Variants in NFATC2 observed in about 807,000 individuals in gnomAD.
NFATC2 encodes nuclear factor of activated T cells 2, also known as nuclear factor of activated T-cells, cytoplasmic 2.
NFATC2 carries 22 observed loss-of-function variants against 87.3 expected under a neutral mutation model. The ratio of observed to expected loss-of-function variants is 0.25; its 90% confidence interval spans 0.18 to 0.36. NFATC2 has a LOEUF of 0.36. Among genes scored for constraint, NFATC2 ranks in the 10% least tolerant of loss-of-function variants. NFATC2 has a pLI of 1.00. For missense variants in NFATC2, 1,149 were observed against 1,259.1 expected (o/e 0.91, Z 1.32); for synonymous variants, 565 against 542.2 (o/e 1.04, Z -0.58).
intron 1 of NFATC2, among the ~76,000 whole-genome samples, chr20:51,550,092 C>T (rs1160518542): frequency 1.3e-5 from 2 of 152,090 alleles, no homozygotes; most frequent in Admixed American, 6.5e-5. Context: ...GTCTATAATC[C>T]CAGCACTTTG....
chr20:51,477,564 TATATATATATATATATAA>T (rs375144987), intron 3 of NFATC2, among the ~76,000 whole-genome samples: 13,839 of 129,090 alleles, frequency 0.11, 898 homozygotes, highest in Non-Finnish European at 0.15. Context: ...TATATATATA[TATATATATATATATATAA>T]AATAACAAGA....
In NFATC2 at chr20:51,497,326, C is replaced by A. The variant is rs371875759; in HGVS notation, c.1332+19458G>T. 5.8e-4 allele frequency among the ~76,000 whole-genome samples: 89 copies of A among 152,290 alleles called. No homozygotes were observed. In the East Asian group the frequency reaches 0.014, roughly 23 times the overall value. On this transcript the variant is annotated intron_variant, in intron 3 of 10. Transcript: ENST00000371564. Reference sequence around the variant, plus strand: ...CCGCAGCAAGAAAAATAACAATCCACCAAAAGATAAATGCAAAAAGAAGAT... The same window carrying A: ...CCGCAGCAAGAAAAATAACAATCCAACAAAAGATAAATGCAAAAAGAAGAT...
intron 10 of NFATC2, among the ~76,000 whole-genome samples, chr20:51,397,412 C>T (rs1254926303): frequency 6.6e-6 from 1 of 152,184 alleles, no homozygotes; most frequent in African/African-American, 2.4e-5. Flanking sequence ...GATGGTGGAA[C>T]AGCAGTAAAT....
At chr20:51,503,642 T>TG (rs1161880990) in intron 3 of NFATC2, among the ~76,000 whole-genome samples, 1 of 152,108 alleles carries the variant, frequency 6.6e-6, no homozygotes, top group African/African-American at 2.4e-5. Context: ...AGGACATGCT[T>TG]GGGGGTGTCA....
At chr20:51,426,201 G>A (rs186136917) in intron 9 of NFATC2, among the ~76,000 whole-genome samples, 1 of 152,322 alleles carries the variant, frequency 6.6e-6, no homozygotes, top group East Asian at 1.9e-4. Flanking sequence ...AAACAAGGCT[G>A]GGCATGGTGG....
chr20:51,473,880 A>G (rs1303405655), intron 5 of NFATC2, 100 bp downstream of exon 5: 1 of 1,317,748 alleles, frequency 7.6e-7, no homozygotes, highest in Non-Finnish European at 1.0e-6. Flanking sequence ...ACATTCCCGC[A>G]GGCCACCCCG....
At chr20:51,398,102 G>A (rs1222805037) in intron 10 of NFATC2, among the ~76,000 whole-genome samples, 1 of 152,022 alleles carries the variant, frequency 6.6e-6, no homozygotes, top group Non-Finnish European at 1.5e-5. Flanking sequence ...CAGAAACCAA[G>A]TAGCAGAATC....
intron 5 of NFATC2, among the ~76,000 whole-genome samples, chr20:51,470,717 G>T (rs143025162): frequency 1.3e-5 from 2 of 152,176 alleles, no homozygotes; most frequent in Admixed American, 1.3e-4. Flanking sequence ...CTCTGCCAGC[G>T]CGTGTTACGG....
At chr20:51,562,702 G>A, upstream of NFATC2, 3 of 1,426,242 alleles carry the variant, frequency 2.1e-6, no homozygotes, top group Non-Finnish European at 2.9e-6. The surrounding 1 kb of genome is among the most constrained non-coding windows in gnomAD (Gnocchi z 5.8). Context: ...CCGAGGGGAC[G>A]CCGTCTTCTC....
At chr20:51,515,351 G>T (rs958397736) in intron 3 of NFATC2, among the ~76,000 whole-genome samples, 1 of 152,194 alleles carries the variant, frequency 6.6e-6, no homozygotes, top group Non-Finnish European at 1.5e-5. Context: ...ATCCAAAATG[G>T]CCATGCCTTC....
chr20:51,452,351 C>T (rs946265775), intron 6 of NFATC2, among the ~76,000 whole-genome samples: 1 of 152,176 alleles, frequency 6.6e-6, no homozygotes, highest in African/African-American at 2.4e-5. Flanking sequence ...TCCTCCTCTG[C>T]CACCTTTAAG....
intron 6 of NFATC2, among the ~76,000 whole-genome samples, chr20:51,449,019 A>G (rs933363706): frequency 1.1e-4 from 16 of 152,096 alleles, no homozygotes; most frequent in African/African-American, 3.1e-4. Context: ...TGGAGTGGAA[A>G]CTGCCAATTC....
intron 3 of NFATC2, among the ~76,000 whole-genome samples, chr20:51,489,480 G>A (rs1475558976): frequency 2.0e-5 from 3 of 152,182 alleles, no homozygotes; most frequent in Non-Finnish European, 4.4e-5. Flanking sequence ...GGGGTTTTCT[G>A]TTAGAGGTAA....
Position 51,480,848 on chromosome 20 carries a change from G to A in NFATC2, c.1333-5188C>T, listed in dbSNP as rs768422410. Among the ~76,000 whole-genome samples the A allele has an allele frequency of 2.0e-5, 3 of 152,180 alleles. No individual in the cohort carries two copies. The highest frequency in any genetic ancestry group is 2.9e-5 in the Non-Finnish European group (2 of 68,032). ...ACTTTCCTTGTCATCGGAGGATGACGCAAATCGAAACAGGGAGGTGATATT... is the reference window on the plus strand; with the variant it reads ...ACTTTCCTTGTCATCGGAGGATGACACAAATCGAAACAGGGAGGTGATATT... On this transcript the variant is annotated intron_variant, in intron 3 of 10. Coordinates refer to ENST00000371564, the MANE Select transcript of NFATC2 (RefSeq NM_012340.5). This position sits in a 1 kb window ranked among gnomAD's most constrained non-coding sequence, Gnocchi z 4.2.
Position 51,523,715 on chromosome 20 carries a change from C to T in NFATC2, c.526G>A (p.Ala176Thr), listed in dbSNP as rs2076492310. Residue 176 changes from alanine to threonine, a missense_variant, in exon 2 of 11, where the codon GCC becomes ACC. Physicochemically the swap from Ala to Thr is moderately conservative, Grantham distance 58 (BLOSUM62 0). Around this residue, in one of 3 missense-constraint regions of NFATC2, gnomAD observed 563 missense variants for 585.2 expected, o/e 0.96. Coordinates refer to ENST00000371564, the MANE Select transcript of NFATC2 (RefSeq NM_012340.5). The surrounding 1 kb of genome is among the most constrained non-coding windows in gnomAD (Gnocchi z 6.9). Reference sequence around the variant, plus strand: ...GAGAAGGTGTCAGAAATGAAGCTGGCAGAGGAGCCGCTGCTAGCGGGGCTC... The same window carrying T: ...GAGAAGGTGTCAGAAATGAAGCTGGTAGAGGAGCCGCTGCTAGCGGGGCTC... Reference protein sequence around the residue: ...CLSPASSGSSASFISDTFSPY... With the variant: ...CLSPASSGSSTSFISDTFSPY... 6.2e-7 allele frequency: 1 copy of T among 1,612,194 alleles called. No individual in the cohort carries two copies. The highest frequency in any genetic ancestry group is 8.5e-7 in the Non-Finnish European group (1 of 1,178,978).
At chr20:51,561,484 A>AAAGAAAGAAAGCAAGC (rs2077029945) in intron 1 of NFATC2, among the ~76,000 whole-genome samples, 25 of 90,044 alleles carry the variant, frequency 2.8e-4, no homozygotes, top group East Asian at 9.9e-4. Flanking sequence ...AGAAAGAAAG[A>AAAGAAAGAAAGCAAGC]AAGCAAGCAA....
upstream of NFATC2, chr20:51,542,758 G>T (rs1443134157): frequency 1.1e-5 from 3 of 276,772 alleles, no homozygotes; most frequent in Non-Finnish European, 1.5e-5. Context: ...GCGGGGGGGG[G>T]GGGGGCGTGG....
intron 2 of NFATC2, among the ~76,000 whole-genome samples, chr20:51,522,578 T>C (rs1009760209): frequency 6.6e-6 from 1 of 151,836 alleles, no homozygotes; most frequent in African/African-American, 2.4e-5. Context: ...TATTTCTTTT[T>C]TTTTTTTTTA....
At chr20:51,521,452 C>G (rs2076443743) in intron 2 of NFATC2, among the ~76,000 whole-genome samples, 1 of 152,204 alleles carries the variant, frequency 6.6e-6, no homozygotes, top group South Asian at 2.1e-4. Context: ...TCCCGAGTAG[C>G]TGGGATTACA....
Sources: allele counts gnomAD v4.1 joint callset (sites outside exome capture counted in the v4.1 genomes callset), GRCh38; gene constraint gnomAD v4.1.1; regional missense constraint gnomAD v4.1.1; non-coding constraint Gnocchi (gnomAD v3.1); transcripts MANE v1.5; gene names NCBI Gene and HGNC (gene_info 2026-07-23, HGNC 2026-07-21).